Variants in EPHA6 observed in about 807,000 individuals in gnomAD.
EPHA6 encodes ephrin type-A receptor 6.
A neutral mutation model predicts 112.0 loss-of-function variants in EPHA6; 50 were observed. That is an observed-to-expected ratio of 0.45 (90% confidence interval 0.36 to 0.56). The LOEUF (loss-of-function observed/expected upper bound fraction) is 0.56. Ranked by LOEUF, EPHA6 falls within the 20% of genes least tolerant of loss-of-function variation. EPHA6 has a pLI of 0.00. For missense variants in EPHA6, 1,280 were observed against 1,417.4 expected, an observed-to-expected ratio of 0.90 and a Z score of 1.56; for synonymous variants, 529 against 490.7, an observed-to-expected ratio of 1.08 and a Z score of -1.03.
At chr3:97,744,225 G>A (rs80199384) in intron 16 of EPHA6, among the ~76,000 whole-genome samples, 2,945 of 151,968 alleles carry the variant, frequency 0.019, 97 homozygotes, top group African/African-American at 0.065. Flanking sequence ...TTTTTAAAAT[G>A]TGAGCTGCAG....
chr3:97,090,425 A>G (rs1214734536), intron 3 of EPHA6, among the ~76,000 whole-genome samples: 1 of 152,104 alleles, frequency 6.6e-6, no homozygotes. Context: ...CAGTATAAAT[A>G]AAAGGGTGGT....
At chr3:97,297,169 T>C (rs2080901707) in intron 5 of EPHA6, among the ~76,000 whole-genome samples, 1 of 152,152 alleles carries the variant, frequency 6.6e-6, no homozygotes, top group Admixed American at 6.5e-5. Flanking sequence ...GAATGTGGAC[T>C]TCTGGGGATC....
rs2036011660 is a variant in EPHA6, at chr3:97,755,778, T to C, written c.*7077T>C. 3.3e-5 allele frequency among the ~76,000 whole-genome samples: 5 copies of C among 152,200 alleles called. No individual in the cohort carries two copies. The South Asian group carries it at 8.3e-4, about 25-fold the overall frequency. On this transcript the variant is annotated 3_prime_UTR_variant, in exon 18 of 18. Coordinates refer to ENST00000389672, the MANE Select transcript of EPHA6 (RefSeq NM_001080448.3). ...ATGTGAACATTTCTCTACAAGTTTT[T>C]CCACATTTGTAGCTCATCCTTAGAA...
At chr3:97,346,605 G>A (rs975116468) in intron 5 of EPHA6, among the ~76,000 whole-genome samples, 1 of 151,546 alleles carries the variant, frequency 6.6e-6, no homozygotes, top group African/African-American at 2.4e-5. Flanking sequence ...AGGAAGGAAC[G>A]TTTACAGGAC....
chr3:97,611,732 G>C (rs754036663), intron 13 of EPHA6, among the ~76,000 whole-genome samples: 8 of 151,578 alleles, frequency 5.3e-5, no homozygotes, highest in Non-Finnish European at 8.8e-5. Context: ...AAAATGGCTG[G>C]ACTTTGCCAC....
At chr3:97,122,714 T>A (rs62265078) in intron 3 of EPHA6, among the ~76,000 whole-genome samples, 9,971 of 152,092 alleles carry the variant, frequency 0.066, 372 homozygotes, top group Middle Eastern at 0.14. Context: ...AAGAGCCTTA[T>A]AAGTTACTTC....
intron 5 of EPHA6, among the ~76,000 whole-genome samples, chr3:97,291,369 A>G (rs1032659386): frequency 6.6e-6 from 1 of 152,072 alleles, no homozygotes; most frequent in Non-Finnish European, 1.5e-5. Flanking sequence ...GGTACTGTAA[A>G]TGTCTGTTAG....
intron 7 of EPHA6, among the ~76,000 whole-genome samples, chr3:97,449,449 A>T (rs974162542): frequency 1.3e-5 from 2 of 152,226 alleles, no homozygotes; most frequent in East Asian, 3.9e-4. Flanking sequence ...ATCATTGTTA[A>T]CATACTGTAT....
At chr3:96,884,058 A>G (rs1045526900) in intron 2 of EPHA6, among the ~76,000 whole-genome samples, 3 of 151,636 alleles carry the variant, frequency 2.0e-5, no homozygotes, top group Admixed American at 6.6e-5. Context: ...TGGATTCTCT[A>G]TTCTGTTCCA....
At chr3:96,981,247 T>A (rs1205361217) in intron 2 of EPHA6, among the ~76,000 whole-genome samples, 1 of 152,028 alleles carries the variant, frequency 6.6e-6, no homozygotes, top group Admixed American at 6.6e-5. Context: ...TTATTGAGAG[T>A]TTTTAGCATG....
In EPHA6 at chr3:96,903,423, G is replaced by A. The variant is rs1253193215; in HGVS notation, c.450+36534G>A. ...TTTCTTGGAAAATCACCCTTAAAAT[G>A]TGTAATTTTTATATTAACAAACAAA... On this transcript the variant is annotated intron_variant, in intron 2 of 17. Coordinates refer to ENST00000389672, the MANE Select transcript of EPHA6 (RefSeq NM_001080448.3). 2.6e-5 allele frequency among the ~76,000 whole-genome samples: 4 copies of A among 152,218 alleles called. No homozygotes were observed. In the East Asian group the frequency reaches 5.8e-4, roughly 22 times the overall value.
chr3:97,347,926 C>T (rs1015878683), intron 5 of EPHA6, among the ~76,000 whole-genome samples: 2 of 151,980 alleles, frequency 1.3e-5, no homozygotes, highest in East Asian at 3.9e-4. Flanking sequence ...TCACAAACAT[C>T]TAGAGTTAAT....
intron 13 of EPHA6, among the ~76,000 whole-genome samples, chr3:97,614,430 G>A (rs1342652348): frequency 6.7e-6 from 1 of 149,626 alleles, no homozygotes; most frequent in African/African-American, 2.5e-5. Context: ...CGCCTCCCGG[G>A]TTCAAGTGAT....
chr3:97,539,874 T>C (rs543304884), intron 11 of EPHA6, among the ~76,000 whole-genome samples: 1 of 152,186 alleles, frequency 6.6e-6, no homozygotes, highest in Non-Finnish European at 1.5e-5. Flanking sequence ...TTGAAGTAGC[T>C]CCCATGAAGA....
intron 2 of EPHA6, among the ~76,000 whole-genome samples, chr3:96,946,600 G>C (rs1184695859): frequency 6.6e-6 from 1 of 152,076 alleles, no homozygotes; most frequent in East Asian, 1.9e-4. Flanking sequence ...TTGGTTCCAA[G>C]TCTTTACTAT....
At chr3:97,204,395 A>G (rs1268636550) in intron 3 of EPHA6, among the ~76,000 whole-genome samples, 1 of 152,100 alleles carries the variant, frequency 6.6e-6, no homozygotes, top group Non-Finnish European at 1.5e-5. Context: ...TTATTAATTA[A>G]TTCTCAAGAT....
intron 11 of EPHA6, among the ~76,000 whole-genome samples, chr3:97,561,354 A>C (rs2093188875): frequency 6.6e-6 from 1 of 152,022 alleles, no homozygotes; most frequent in African/African-American, 2.4e-5. Context: ...TTTGAAGAAA[A>C]ATAAAAGTGC....
intron 15 of EPHA6, among the ~76,000 whole-genome samples, chr3:97,733,583 C>T (rs1195319228): frequency 2.6e-5 from 4 of 151,994 alleles, no homozygotes; most frequent in African/African-American, 4.8e-5. Context: ...ATGTACTAAA[C>T]GATAAGCATA....
intron 10 of EPHA6, among the ~76,000 whole-genome samples, chr3:97,516,047 A>G (rs1258491492): frequency 6.6e-6 from 1 of 152,144 alleles, no homozygotes; most frequent in Non-Finnish European, 1.5e-5. Context: ...CATATTTAAC[A>G]TGTTCTCTAT....
Sources: allele counts gnomAD v4.1 joint callset (sites outside exome capture counted in the v4.1 genomes callset), GRCh38; gene constraint gnomAD v4.1.1; transcripts MANE v1.5; gene names NCBI Gene and HGNC (gene_info 2026-07-23, HGNC 2026-07-21).